Variants in PLD5 observed in about 807,000 individuals in gnomAD.
PLD5 encodes the protein phospholipase D family member 5, also known as inactive phospholipase D5.
In PLD5, 36 loss-of-function variants were observed where a neutral mutation model predicts 61.1. The observed-to-expected ratio is 0.59, with a 90% CI of 0.45 to 0.78. The LOEUF (loss-of-function observed/expected upper bound fraction) is 0.78, where lower values mean the gene tolerates loss of function less well. PLD5 is among the 30% of genes least tolerant of loss of function. The pLI is 0.00. For missense variants in PLD5, 515 were observed against 644.4 expected (o/e 0.80, Z 2.17); for synonymous variants, 243 against 242.8 (o/e 1.00, Z -0.01).
At chr1:242,148,884 G>C (rs1206654537) in intron 5 of PLD5, among the ~76,000 whole-genome samples, 1 of 151,810 alleles carries the variant, frequency 6.6e-6, no homozygotes, top group Non-Finnish European at 1.5e-5. Flanking sequence ...TCATAAAACT[G>C]TTCTAAACAT....
At chr1:242,203,208 C>T (rs1669095614) in intron 5 of PLD5, among the ~76,000 whole-genome samples, 1 of 152,104 alleles carries the variant, frequency 6.6e-6, no homozygotes, top group Non-Finnish European at 1.5e-5. Flanking sequence ...GCCAAATATG[C>T]TCCCATAACC....
chr1:242,261,926 G>T (rs553957910), intron 4 of PLD5, among the ~76,000 whole-genome samples: 1 of 152,154 alleles, frequency 6.6e-6, no homozygotes, highest in Admixed American at 6.6e-5. Flanking sequence ...CGTATCTATC[G>T]AAATCGAACA....
intron 1 of PLD5, among the ~76,000 whole-genome samples, chr1:242,410,617 C>T (rs1478869526): frequency 6.6e-6 from 1 of 151,812 alleles, no homozygotes; most frequent in African/African-American, 2.4e-5. Flanking sequence ...TCCCACTGAA[C>T]ATTCATCAGC....
intron 4 of PLD5, among the ~76,000 whole-genome samples, chr1:242,243,708 A>G (rs1023780545): frequency 1.3e-5 from 2 of 152,178 alleles, no homozygotes; most frequent in Non-Finnish European, 2.9e-5. Context: ...TGGCTCTACT[A>G]TAGACAGAAG....
At chr1:242,345,437 G>A (rs1660076298) in intron 2 of PLD5, 2 of 538,372 alleles carry the variant, frequency 3.7e-6, no homozygotes, top group Non-Finnish European at 6.7e-6. Context: ...TTGATTTGAA[G>A]TGCTTAAAAA....
intron 2 of PLD5, among the ~76,000 whole-genome samples, chr1:242,328,998 TTTTTG>T (rs1185654738): frequency 3.8e-5 from 5 of 130,526 alleles, no homozygotes; most frequent in Admixed American, 8.6e-5. Flanking sequence ...TCCTGCAAAT[TTTTTG>T]TTTTATTTAT....
chr1:242,442,574 A>T (rs551946348), intron 1 of PLD5, among the ~76,000 whole-genome samples: 40 of 152,324 alleles, frequency 2.6e-4, no homozygotes, highest in African/African-American at 9.6e-4. Context: ...GTGATGTTTT[A>T]TTCTTTGAGC....
chr1:242,230,349 G>A (rs1418239621), intron 4 of PLD5, among the ~76,000 whole-genome samples: 1 of 152,086 alleles, frequency 6.6e-6, no homozygotes, highest in Admixed American at 6.5e-5. Context: ...TGAGCCTCAA[G>A]CATATATCAA....
intron 6 of PLD5, among the ~76,000 whole-genome samples, chr1:242,114,596 C>T (rs533272668): frequency 6.6e-6 from 1 of 152,354 alleles, no homozygotes; most frequent in East Asian, 1.9e-4. Flanking sequence ...GTATTTACAG[C>T]CGCTCCCCCT....
chr1:242,196,209 A>G (rs2148943734), intron 5 of PLD5, among the ~76,000 whole-genome samples: 1 of 152,346 alleles, frequency 6.6e-6, no homozygotes, highest in East Asian at 1.9e-4. Context: ...AAACCTTTGA[A>G]TTTTCATTAA....
intron 2 of PLD5, among the ~76,000 whole-genome samples, chr1:242,337,914 G>A (rs181952241): frequency 5.9e-5 from 9 of 152,192 alleles, no homozygotes; most frequent in East Asian, 3.9e-4. Flanking sequence ...TGGATTTGTC[G>A]TTCACGTTGG....
intron 1 of PLD5, among the ~76,000 whole-genome samples, chr1:242,469,388 A>C (rs1667372086): frequency 6.6e-6 from 1 of 152,208 alleles, no homozygotes; most frequent in Non-Finnish European, 1.5e-5. Context: ...GGCCATAATA[A>C]TGTGTGAGTT....
intron 4 of PLD5, among the ~76,000 whole-genome samples, chr1:242,249,131 A>G (rs1045899811): frequency 3.9e-5 from 6 of 152,182 alleles, no homozygotes; most frequent in South Asian, 4.1e-4. Flanking sequence ...AAAACTAAAC[A>G]TAACTAAATG....
chr1:242,137,514 G>T (rs1663830071), intron 5 of PLD5, among the ~76,000 whole-genome samples: 1 of 152,132 alleles, frequency 6.6e-6, no homozygotes, highest in Admixed American at 6.5e-5. Context: ...ACGTTTTAGG[G>T]ATATCCTATT....
chr1:242,517,176 T>C (rs1440850971), intron 1 of PLD5, among the ~76,000 whole-genome samples: 4 of 152,232 alleles, frequency 2.6e-5, no homozygotes, highest in African/African-American at 9.6e-5. Flanking sequence ...TTTCAATTCT[T>C]ATATTTTCAT....
intron 2 of PLD5, among the ~76,000 whole-genome samples, chr1:242,297,537 C>CT (rs1675755207): frequency 6.6e-6 from 1 of 151,376 alleles, no homozygotes; most frequent in Non-Finnish European, 1.5e-5. Flanking sequence ...CCCTGAGTAG[C>CT]TGGGAGTACA....
chr1:242,214,265 C>G (rs1271995423), intron 5 of PLD5, among the ~76,000 whole-genome samples: 1 of 152,194 alleles, frequency 6.6e-6, no homozygotes, highest in Non-Finnish European at 1.5e-5. Context: ...GGCTTACTAG[C>G]ACTCAGAGAA....
chr1:242,519,558 C>A (rs375171658), intron 1 of PLD5, among the ~76,000 whole-genome samples: 12 of 152,302 alleles, frequency 7.9e-5, no homozygotes, highest in African/African-American at 2.9e-4. Flanking sequence ...GACATCCTGC[C>A]GATAAATGAA....
At chr1:242,423,014 A>AT (rs952025674) in intron 1 of PLD5, among the ~76,000 whole-genome samples, 2 of 151,176 alleles carry the variant, frequency 1.3e-5, no homozygotes, top group African/African-American at 2.4e-5. Context: ...ATACTTGGCT[A>AT]TTTTTTTTAA....
Sources: allele counts gnomAD v4.1 joint callset (sites outside exome capture counted in the v4.1 genomes callset), GRCh38; gene constraint gnomAD v4.1.1; transcripts MANE v1.5; gene names NCBI Gene and HGNC (gene_info 2026-07-23, HGNC 2026-07-21).